The following AK9 variants were observed in gnomAD, a reference collection of about 807,000 sequenced individuals.
AK9 encodes the protein adenylate kinase 9.
A neutral mutation model predicts 239.6 loss-of-function variants in AK9; 191 were observed. That is an observed-to-expected ratio of 0.80 (90% confidence interval 0.71 to 0.90). The LOEUF (loss-of-function observed/expected upper bound fraction) is 0.90, where lower values mean the gene tolerates loss of function less well. Among genes scored for constraint, AK9 ranks in the 40% least tolerant of loss-of-function variants. The pLI, the probability that AK9 is intolerant of heterozygous loss-of-function variation, is 0.00. For missense variants in AK9, 1,995 were observed against 2,214.7 expected, an observed-to-expected ratio of 0.90 and a Z score of 1.99; for synonymous variants, 689 against 721.0, an observed-to-expected ratio of 0.96 and a Z score of 0.71.
chr6:109,514,460 T>C, intron 31 of AK9, 23 bp from the exon 32 acceptor site: 1 of 1,496,836 alleles, frequency 6.7e-7, no homozygotes, highest in Non-Finnish European at 8.9e-7. Context: ...CACAGTTGAA[T>C]TTGAAAGTTA....
chr6:109,662,441 C>T (rs920888742), intron 6 of AK9, 110 bp downstream of exon 6: 1 of 880,762 alleles, frequency 1.1e-6, no homozygotes. Context: ...GTGATTGATG[C>T]ATAAGTTATT....
chr6:109,586,121 G>C, intron 17 of AK9, 49 bp from the exon 18 acceptor site: 1 of 1,416,834 alleles, frequency 7.1e-7, no homozygotes, highest in Non-Finnish European at 9.4e-7. Context: ...GACAAGTCAA[G>C]GATGCAACCT....
At chr6:109,503,395 G>T (rs1308900863) in intron 35 of AK9, among the ~76,000 whole-genome samples, 1 of 151,988 alleles carries the variant, frequency 6.6e-6, no homozygotes, top group Non-Finnish European at 1.5e-5. Context: ...TAATTATTGG[G>T]ATATTCTGGA....
chr6:109,523,154 CT>C (rs1334596140), intron 29 of AK9, among the ~76,000 whole-genome samples: 1 of 151,964 alleles, frequency 6.6e-6, no homozygotes, highest in Non-Finnish European at 1.5e-5. Flanking sequence ...ATTTCTTTTT[CT>C]TACTTTGCTT....
Position 109,564,749 on chromosome 6 carries a change from G to A in AK9, c.2434+7C>T. On this transcript the variant is annotated splice_region_variant and intron_variant, in intron 22 of 40. Transcript: ENST00000424296. ...ATGCAAGAACTACTTTCATTTTACAGTCTAACCTGTTTCAGATAATTTTTC... is the reference window on the plus strand; with the variant it reads ...ATGCAAGAACTACTTTCATTTTACAATCTAACCTGTTTCAGATAATTTTTC... 2 of 1,528,604 alleles carry A rather than the reference G, an allele frequency of 1.3e-6. No individual in the cohort carries two copies. The highest frequency in any genetic ancestry group is 1.8e-6 in the Non-Finnish European group (2 of 1,132,760). 94.7% of individuals were successfully genotyped at this position (1,528,604 alleles called of 1,614,324 possible).
In AK9 at chr6:109,659,519, TA is replaced by T. The variant is rs1184668268; in HGVS notation, c.445-107del. The T allele has an allele frequency of 3.7e-6, 5 of 1,354,566 alleles. No individual in the cohort carries two copies. In the Admixed American group the frequency reaches 1.7e-4, roughly 46 times the overall value. 83.9% of individuals were successfully genotyped at this position (1,354,566 alleles called of 1,614,324 possible). A position where few individuals can be genotyped will look rare whatever the true frequency, so the allele number is the denominator to read the frequency against. On this transcript the variant is annotated intron_variant, in intron 6 of 40. Coordinates refer to ENST00000424296, the MANE Select transcript of AK9 (RefSeq NM_001145128.3). ...CAGTACATAAACCAAAAAATTCCTT[TA>T]AAACCTGAGCAAATGCAATATTGTG...
rs772870675 is a variant in AK9, at chr6:109,623,904, C to CACACACA, written c.1255-4669_1255-4668insTGTGTGT. ...ACACACACACACACACACACACACA[C>CACACACA]ATTTCTTCTCCCACATCCCTCCGTA... On this transcript the variant is annotated intron_variant, in intron 12 of 40. Coordinates refer to ENST00000424296, the MANE Select transcript of AK9 (RefSeq NM_001145128.3). 1.0e-4 allele frequency among the ~76,000 whole-genome samples: 13 copies of CACACACA among 124,300 alleles called. No individual in the cohort carries two copies. The East Asian group carries it at 1.1e-3, about 11-fold the overall frequency. The allele number at this position is 124,300 out of a possible 152,430, so 81.5% of individuals were successfully genotyped here. A position where few individuals can be genotyped will look rare whatever the true frequency, so the allele number is the denominator to read the frequency against.
intron 17 of AK9, among the ~76,000 whole-genome samples, chr6:109,609,331 A>C (rs1583239648): frequency 6.6e-6 from 1 of 152,046 alleles, no homozygotes; most frequent in African/African-American, 2.4e-5. Flanking sequence ...GAATTCCTAC[A>C]CCTCATACAC....
intron 28 of AK9, among the ~76,000 whole-genome samples, chr6:109,531,056 G>T (rs1436277950): frequency 6.6e-6 from 1 of 151,996 alleles, no homozygotes; most frequent in Admixed American, 6.6e-5. Context: ...GAAAAGAAAA[G>T]AAAAGAAAAG....
chr6:109,671,918 C>G lies in AK9; in HGVS notation c.331+1G>C. 6.2e-7 allele frequency: 1 copy of G among 1,612,774 alleles called. No homozygotes were observed. The highest frequency in any genetic ancestry group is 8.5e-7 in the Non-Finnish European group (1 of 1,179,124). ...CTGTAAATATATTAAAATAAACATA[C>G]CAAAGTGACAGACTTCTGGGGAGTT... On this transcript the variant is annotated splice_donor_variant, in intron 5 of 40. Coordinates refer to ENST00000424296, the MANE Select transcript of AK9 (RefSeq NM_001145128.3). LOFTEE classifies it high-confidence loss of function.
intron 23 of AK9, 56 bp from the exon 24 acceptor site, chr6:109,563,768 A>T: frequency 1.3e-6 from 2 of 1,481,538 alleles, no homozygotes; most frequent in Non-Finnish European, 1.8e-6. Context: ...GGTTATTAGC[A>T]TATTACTATA....
Position 109,668,577 on chromosome 6 carries a change from AG to A in AK9, c.331+3341del, listed in dbSNP as rs555614821. Among the ~76,000 whole-genome samples the A allele has an allele frequency of 1.7e-3, 249 of 147,414 alleles. 5 individuals are homozygous for A. Among genetic ancestry groups the A allele is most frequent in the Middle Eastern group, 6.8e-3 (2 of 292 alleles). ...TCCATCTTGAATTAATTTTTGTATG[AG>A]GTGTAAGGAAGGGATCCAGTTTCAG... On this transcript the variant is annotated intron_variant, in intron 5 of 40. Transcript: ENST00000424296.
chr6:109,623,862 G>GACACAC (rs567410173), intron 12 of AK9, among the ~76,000 whole-genome samples: 5,308 of 136,096 alleles, frequency 0.039, 123 homozygotes, highest in South Asian at 0.08. Flanking sequence ...AGGAATCTTA[G>GACACAC]ACACACACAC....
intron 24 of AK9, among the ~76,000 whole-genome samples, chr6:109,554,925 A>G (rs10872041): frequency 0.58 from 88,526 of 151,946 alleles, 27,464 homozygotes; most frequent in South Asian, 0.84. Context: ...AGTCTAGCTA[A>G]TGGTCTATCT....
Position 109,614,266 on chromosome 6 carries a change from C to T in AK9, c.1526G>A (p.Gly509Asp). 1 of 1,551,372 alleles carries T rather than the reference C, an allele frequency of 6.4e-7. No homozygotes were observed. The highest frequency in any genetic ancestry group is 8.7e-7 in the Non-Finnish European group (1 of 1,146,724). The change falls in exon 15 of 41, where the codon GGC becomes GAC. Residue 509 changes from glycine (G) to aspartate (D), a missense_variant. Around this residue, in one of 5 missense-constraint regions of AK9, gnomAD observed 1,290 missense variants for 1,392.7 expected, o/e 0.93. Coordinates refer to ENST00000424296, the MANE Select transcript of AK9 (RefSeq NM_001145128.3). ...GYIQGSQRDRGSSLVDTEEAK... is the reference protein window; with the variant it reads ...GYIQGSQRDRDSSLVDTEEAK... ...TTCTTCGGTGTCCACTAAAGAGCTGCCTCTGTCCCTTTGGGAGCCTTGAAT... is the reference window on the plus strand; with the variant it reads ...TTCTTCGGTGTCCACTAAAGAGCTGTCTCTGTCCCTTTGGGAGCCTTGAAT...
chr6:109,657,518 A>T (rs1471455572), intron 7 of AK9, among the ~76,000 whole-genome samples: 17 of 151,084 alleles, frequency 1.1e-4, no homozygotes, highest in Non-Finnish European at 2.9e-5. Flanking sequence ...GAAGGAAATG[A>T]GGGAGAGAGA....
At chr6:109,665,593 T>C (rs773672377) in intron 5 of AK9, among the ~76,000 whole-genome samples, 4 of 152,190 alleles carry the variant, frequency 2.6e-5, no homozygotes, top group Non-Finnish European at 5.9e-5. Flanking sequence ...CTTTGACCAG[T>C]ATCTCCTCTG....
rs761117338 is a variant in AK9, at chr6:109,497,362, A to ACTCT, written c.5315+99_5315+102dup. The ACTCT allele has an allele frequency of 4.4e-3, 2,170 of 498,214 alleles. 24 individuals carry two copies. Among genetic ancestry groups the ACTCT allele is most frequent in the African/African-American group, 0.027 (996 of 36,842 alleles). The allele number at this position is 498,214 out of a possible 1,614,324, so 30.9% of individuals were successfully genotyped here. ...CACACACACACACACACACACACAC[A>ACTCT]CTCTCTCTCTCTCTCTCTCTCTCAC... is the stretch of plus-strand genomic sequence containing the variant. On this transcript the variant is annotated intron_variant, in intron 38 of 40. Coordinates refer to ENST00000424296, the MANE Select transcript of AK9 (RefSeq NM_001145128.3).
Position 109,493,411 on chromosome 6 carries a change from C to A in AK9, c.5694G>T (p.Lys1898Asn). The A allele has an allele frequency of 6.2e-7, 1 of 1,614,132 alleles. No individual in the cohort carries two copies. Among genetic ancestry groups the A allele is most frequent in the South Asian group, 1.1e-5 (1 of 91,086 alleles). ...FRAIDFDHKLKTFLSLRNIDP... is the reference protein window; with the variant it reads ...FRAIDFDHKLNTFLSLRNIDP... ...CTATATTTCTGAGAGAGAGAAAGGTCTTTAACTTATGATCAAAGTCAATGG... is the reference window on the plus strand; with the variant it reads ...CTATATTTCTGAGAGAGAGAAAGGTATTTAACTTATGATCAAAGTCAATGG... Residue 1898 changes from lysine (K) to asparagine (N), a missense_variant, in exon 41 of 41, where the codon AAG (lysine) becomes AAT (asparagine). Lys to Asn is a moderately conservative substitution (Grantham distance 94, BLOSUM62 0). Transcript: ENST00000424296.
Sources: allele counts gnomAD v4.1 joint callset (sites outside exome capture counted in the v4.1 genomes callset), GRCh38; gene constraint gnomAD v4.1.1; regional missense constraint gnomAD v4.1.1; transcripts MANE v1.5; gene names NCBI Gene and HGNC (gene_info 2026-07-23, HGNC 2026-07-21).